The following CRHR1 variants were observed in gnomAD, a reference collection of about 807,000 sequenced individuals.
CRHR1 encodes the protein corticotropin-releasing hormone receptor 1.
Under a neutral mutation model 56.0 loss-of-function variants are expected in CRHR1, and 28 were observed. The observed-to-expected ratio is 0.50, with a 90% CI of 0.37 to 0.69. CRHR1 has a LOEUF of 0.69. CRHR1 is among the 30% of genes least tolerant of loss of function. CRHR1 has a pLI of 0.00. For missense variants in CRHR1, 376 were observed against 548.0 expected, an observed-to-expected ratio of 0.69 and a Z score of 3.13; for synonymous variants, 195 against 216.5, an observed-to-expected ratio of 0.90 and a Z score of 0.87.
At chr17:45,797,872 G>A (rs2061549942) in intron 1 of CRHR1, among the ~76,000 whole-genome samples, 1 of 152,176 alleles carries the variant, frequency 6.6e-6, no homozygotes, top group Admixed American at 6.5e-5. Context: ...TTACAGATGA[G>A]GTAACTGAGG....
At chr17:45,790,447 G>T (rs975251502) in intron 1 of CRHR1, among the ~76,000 whole-genome samples, 2 of 152,172 alleles carry the variant, frequency 1.3e-5, no homozygotes, top group Non-Finnish European at 2.9e-5. Flanking sequence ...TAGAACTGCG[G>T]ATTCAAATGC....
At position 45,830,872 on chromosome 17, in the gene CRHR1, TC is replaced by T. The variant is rs1163497835; in HGVS notation, c.710-3del. On this transcript the variant is annotated splice_region_variant and splice_polypyrimidine_tract_variant and intron_variant, in intron 7 of 12. Transcript: ENST00000314537. ...TGAGGGCTCTGTGACAGCCCATCTC[TC>T]CCCCAGGTGTGCCCTTCCCCATCAT... 6.2e-7 allele frequency: 1 copy of T among 1,613,398 alleles called. No individual in the cohort carries two copies. Among genetic ancestry groups the T allele is most frequent in the Non-Finnish European group, 8.5e-7 (1 of 1,179,648 alleles).
chr17:45,821,854 G>A (rs1369265212), intron 4 of CRHR1, among the ~76,000 whole-genome samples: 2 of 152,184 alleles, frequency 1.3e-5, no homozygotes, highest in South Asian at 2.1e-4. Flanking sequence ...AACCAGGGAC[G>A]GGATGGAGGT....
chr17:45,820,958 G>A (rs368403317), intron 3 of CRHR1, among the ~76,000 whole-genome samples: 4 of 152,294 alleles, frequency 2.6e-5, no homozygotes, highest in African/African-American at 9.6e-5. Flanking sequence ...GACTCATGAG[G>A]TCTCACCATT....
chr17:45,826,136 A>G (rs2062156864), intron 4 of CRHR1: 1 of 152,254 alleles, frequency 6.6e-6, no homozygotes, highest in Non-Finnish European at 1.5e-5. Context: ...AGCTGTGCCC[A>G]TTTGTCCTTC....
At chr17:45,803,757 C>CGTGTGTGT (rs553066030) in intron 1 of CRHR1, among the ~76,000 whole-genome samples, 2,503 of 129,422 alleles carry the variant, frequency 0.019, 45 homozygotes, top group South Asian at 0.075. Flanking sequence ...AGAGAGAGTG[C>CGTGTGTGT]GTGTGTGTGT....
chr17:45,790,926 G>C lies in CRHR1; in HGVS notation c.33+6349G>C, dbSNP rs147330287. Among the ~76,000 whole-genome samples, 578 of 152,248 alleles carry C rather than the reference G, an allele frequency of 3.8e-3. 6 individuals carry two copies. Among genetic ancestry groups the C allele is most frequent in the Non-Finnish European group, 6.6e-3 (447 of 68,018 alleles). On this transcript the variant is annotated intron_variant, in intron 1 of 12. Transcript: ENST00000314537. ...ATGTCAGGGGCTTTAGGAGAATTGG[G>C]ACAATATATTGGTCATCATCCCTGG...
chr17:45,795,124 G>A (rs1000347607), intron 1 of CRHR1, among the ~76,000 whole-genome samples: 2 of 152,216 alleles, frequency 1.3e-5, no homozygotes, highest in Admixed American at 1.3e-4. Context: ...TGCCCAGCTG[G>A]CCAGGAAAGG....
chr17:45,802,578 C>T (rs547332521), intron 1 of CRHR1, among the ~76,000 whole-genome samples: 1 of 152,302 alleles, frequency 6.6e-6, no homozygotes, highest in East Asian at 1.9e-4. Flanking sequence ...AAACCTTCCA[C>T]AGAGCAAGAG....
chr17:45,800,276 AC>A (rs1344359351), intron 1 of CRHR1: 4 of 152,232 alleles, frequency 2.6e-5, no homozygotes. Flanking sequence ...AAAGCAACTT[AC>A]CTTTTAAATG....
At chr17:45,804,371 C>A (rs2061681950) in intron 1 of CRHR1, among the ~76,000 whole-genome samples, 2 of 152,150 alleles carry the variant, frequency 1.3e-5, no homozygotes, top group African/African-American at 4.8e-5. Flanking sequence ...TCAGGCACTA[C>A]CGACTCGGGG....
At chr17:45,830,751 A>T (rs906612899) in intron 7 of CRHR1, 129 bp from the exon 8 acceptor site, 2 of 1,179,614 alleles carry the variant, frequency 1.7e-6, no homozygotes, top group Admixed American at 2.4e-5. Flanking sequence ...ACCTTGAAGG[A>T]GGTGTGTGAG....
chr17:45,811,833 C>T lies in CRHR1; in HGVS notation c.122-4630C>T, dbSNP rs914150017. On this transcript the variant is annotated intron_variant, in intron 2 of 12. Coordinates refer to ENST00000314537, the MANE Select transcript of CRHR1 (RefSeq NM_004382.5). ...CTCTTTGCACTGCTTAGTTTTTCTC[C>T]ATAGTATTTCTCACTGGTTAACAGA... 2.6e-5 allele frequency among the ~76,000 whole-genome samples: 4 copies of T among 152,160 alleles called. No individual in the cohort carries two copies. The East Asian group carries it at 5.8e-4, about 22-fold the overall frequency.
At chr17:45,829,590 C>A (rs2062246853) in intron 5 of CRHR1, 8 of 1,550,866 alleles carry the variant, frequency 5.2e-6, no homozygotes, top group Non-Finnish European at 7.0e-6. Context: ...GGTGACCAGG[C>A]AGATGGAGCC....
intron 1 of CRHR1, among the ~76,000 whole-genome samples, chr17:45,796,285 C>T (rs2061515224): frequency 6.6e-6 from 1 of 151,552 alleles, no homozygotes; most frequent in African/African-American, 2.4e-5. Context: ...CAGGGGCAGG[C>T]ACTGGATCAG....
rs144817232 is a variant in CRHR1 at position 45,785,227 on chromosome 17, G to A, written c.33+650G>A. On this transcript the variant is annotated intron_variant, in intron 1 of 12. Transcript: ENST00000314537. ...GCACCCGCGATCCCCGCGCTGCGCG[G>A]CCGACCCTGCGACGCGGATCGGGCG... Among the ~76,000 whole-genome samples, 1,471 of 152,364 alleles carry A rather than the reference G, an allele frequency of 9.7e-3. 10 individuals carry two copies. Among genetic ancestry groups the A allele is most frequent in the Non-Finnish European group, 0.015 (1,012 of 68,036 alleles).
rs749061551 is a variant in CRHR1, at chr17:45,829,693, C to T, written c.434+372C>T. On this transcript the variant is annotated intron_variant, in intron 5 of 12. Transcript: ENST00000314537. ...CCGCCAAGGATGCAGGTGGCAGAGC[C>T]GGGGATGGGGATGGTTGGGATCAGG... 2.3e-5 allele frequency: 35 copies of T among 1,518,990 alleles called. No homozygotes were observed. The East Asian group carries it at 5.4e-4, about 23-fold the overall frequency. 94.1% of individuals were successfully genotyped at this position (1,518,990 alleles called of 1,614,324 possible).
chr17:45,791,381 C>A (rs1035819856), intron 1 of CRHR1, among the ~76,000 whole-genome samples: 1 of 152,186 alleles, frequency 6.6e-6, no homozygotes, highest in African/African-American at 2.4e-5. Context: ...ACGGGCCTGG[C>A]AGGGTGCCCA....
chr17:45,802,466 C>T (rs1415161395), intron 1 of CRHR1, among the ~76,000 whole-genome samples: 3 of 152,136 alleles, frequency 2.0e-5, no homozygotes, highest in East Asian at 1.9e-4. Flanking sequence ...AGGAGATCAG[C>T]GGATGGTGAA....
Sources: gnomAD v4.1 joint callset for allele counts (sites outside exome capture counted in the v4.1 genomes callset) on GRCh38, gnomAD v4.1.1 for gene constraint, MANE v1.5 for transcripts, NCBI Gene and HGNC (gene_info 2026-07-23, HGNC 2026-07-21) for gene names.